RAB3C: variants seen among roughly 807,000 people sequenced by gnomAD.
RAB3C encodes ras-related protein Rab-3C.
In RAB3C, 17 loss-of-function variants were observed where a neutral mutation model predicts 26.4. The ratio of observed to expected loss-of-function variants is 0.64; its 90% CI spans 0.44 to 0.97. The LOEUF is 0.97. Ranked by LOEUF, RAB3C falls within the 50% of genes least tolerant of loss-of-function variation. The pLI is 0.00. For synonymous variants in RAB3C, 91 were observed against 95.9 expected, an observed-to-expected ratio of 0.95 and a Z score of 0.30; for missense variants, 242 against 281.9, an observed-to-expected ratio of 0.86 and a Z score of 1.01.
At chr5:58,591,686 C>T (rs946312212) in intron 1 of RAB3C, among the ~76,000 whole-genome samples, 3 of 149,730 alleles carry the variant, frequency 2.0e-5, no homozygotes, top group Admixed American at 1.3e-4. Context: ...TTGGGCTTTT[C>T]ATTTTTTTCC....
At chr5:58,792,188 A>C (rs1173547516) in intron 3 of RAB3C, among the ~76,000 whole-genome samples, 1 of 152,234 alleles carries the variant, frequency 6.6e-6, no homozygotes, top group African/African-American at 2.4e-5. Context: ...ACCAGAGCTT[A>C]TTATAATAAT....
chr5:58,813,493 T>C (rs1743131111), intron 3 of RAB3C, among the ~76,000 whole-genome samples: 1 of 151,574 alleles, frequency 6.6e-6, no homozygotes, highest in Non-Finnish European at 1.5e-5. Context: ...TCACAGTGCT[T>C]ACCACCCTTT....
At chr5:58,759,269 C>A (rs976421742) in intron 3 of RAB3C, among the ~76,000 whole-genome samples, 3 of 152,070 alleles carry the variant, frequency 2.0e-5, no homozygotes, top group African/African-American at 7.2e-5. Flanking sequence ...GGGGTTGGGG[C>A]AAGTGGACAG....
intron 2 of RAB3C, chr5:58,647,839 G>C (rs1747558628): frequency 6.6e-6 from 1 of 152,146 alleles, no homozygotes; most frequent in South Asian, 2.1e-4. Flanking sequence ...ATAGTGAAAG[G>C]ATCCACGTTC....
chr5:58,714,910 A>G (rs1749136875), intron 2 of RAB3C, among the ~76,000 whole-genome samples: 1 of 152,084 alleles, frequency 6.6e-6, no homozygotes. Context: ...TATAGTGGTT[A>G]TTATAGAAAA....
chr5:58,812,987 A>C (rs1039571002), intron 3 of RAB3C, among the ~76,000 whole-genome samples: 10 of 152,306 alleles, frequency 6.6e-5, no homozygotes, highest in African/African-American at 2.4e-4. Flanking sequence ...CTAATTAGGT[A>C]CAAAAACTGG....
At chr5:58,734,510 A>G (rs1427079049) in intron 3 of RAB3C, among the ~76,000 whole-genome samples, 1 of 152,094 alleles carries the variant, frequency 6.6e-6, no homozygotes, top group East Asian at 1.9e-4. Flanking sequence ...TTAATGATAC[A>G]TTTCTTATTG....
chr5:58,765,090 CA>C (rs1397754113), intron 3 of RAB3C, among the ~76,000 whole-genome samples: 13 of 152,190 alleles, frequency 8.5e-5, no homozygotes, highest in African/African-American at 2.9e-4. Flanking sequence ...AAACTTCTTA[CA>C]AAAAATTAAA....
intron 2 of RAB3C, among the ~76,000 whole-genome samples, chr5:58,725,641 C>G (rs1740872487): frequency 6.6e-6 from 1 of 151,748 alleles, no homozygotes; most frequent in Non-Finnish European, 1.5e-5. Context: ...AGTAGGGTGA[C>G]TATAATTTAC....
Position 58,822,974 on chromosome 5 carries a change from G to A in RAB3C, c.372-2064G>A, listed in dbSNP as rs1743376764. 4.8e-6 allele frequency: 3 copies of A among 626,644 alleles called. No individual in the cohort carries two copies. In the African/African-American group the frequency reaches 5.5e-5, roughly 11 times the overall value. The allele number at this position is 626,644 out of a possible 1,614,324, so 38.8% of individuals were successfully genotyped here. On this transcript the variant is annotated intron_variant, in intron 3 of 4. Transcript: ENST00000282878. ...TGTAGGCCTTGCCAGAACCATCACT[G>A]GCAATAAAGTTTTTGGGGCCTTGAA... is the stretch of plus-strand genomic sequence containing the variant.
At chr5:58,675,797 G>A (rs1159512833) in intron 2 of RAB3C, among the ~76,000 whole-genome samples, 1 of 152,032 alleles carries the variant, frequency 6.6e-6, no homozygotes, top group African/African-American at 2.4e-5. Context: ...TATCTTCTAA[G>A]CTTGCTATGA....
chr5:58,827,913 G>C (rs1013012285), intron 4 of RAB3C, among the ~76,000 whole-genome samples: 1 of 152,148 alleles, frequency 6.6e-6, no homozygotes, highest in Non-Finnish European at 1.5e-5. Flanking sequence ...TTATTCTTCA[G>C]AATACCATCA....
intron 1 of RAB3C, among the ~76,000 whole-genome samples, chr5:58,616,010 A>ACACACACACC (rs779097196): frequency 3.3e-5 from 5 of 149,596 alleles, no homozygotes; most frequent in East Asian, 2.0e-4. Flanking sequence ...ACACACACAC[A>ACACACACACC]CCCCTGACTT....
Position 58,855,118 on chromosome 5 carries a change from C to T in RAB3C, c.*3767C>T, listed in dbSNP as rs1010059741. On this transcript the variant is annotated 3_prime_UTR_variant, in exon 5 of 5. Coordinates refer to ENST00000282878, the MANE Select transcript of RAB3C (RefSeq NM_138453.4). Reference sequence around the variant, plus strand: ...GTGATGTGCTTTATCCAACATGTATCTTAGTGCATGGTTGAGGATGTACTA... The same window carrying T: ...GTGATGTGCTTTATCCAACATGTATTTTAGTGCATGGTTGAGGATGTACTA... The T allele has an allele frequency of 2.0e-5, 3 of 152,100 alleles. No individual in the cohort carries two copies. Among genetic ancestry groups the T allele is most frequent in the South Asian group, 2.1e-4 (1 of 4,824 alleles). 9.4% of individuals were successfully genotyped at this position (152,100 alleles called of 1,614,324 possible). A position where few individuals can be genotyped will look rare whatever the true frequency, so the allele number is the denominator to read the frequency against.
At chr5:58,587,433 C>T (rs1255003414) in intron 1 of RAB3C, among the ~76,000 whole-genome samples, 1 of 152,096 alleles carries the variant, frequency 6.6e-6, no homozygotes, top group African/African-American at 2.4e-5. Context: ...ATTAATGTGG[C>T]TCAGAGGTTC....
intron 2 of RAB3C, among the ~76,000 whole-genome samples, chr5:58,659,586 G>T (rs1449471011): frequency 6.6e-6 from 1 of 152,126 alleles, no homozygotes; most frequent in Admixed American, 6.5e-5. Flanking sequence ...ATTCAGTTAT[G>T]CTCTTGTGTT....
chr5:58,749,674 A>G (rs539767488), intron 3 of RAB3C, among the ~76,000 whole-genome samples: 33 of 152,338 alleles, frequency 2.2e-4, no homozygotes, highest in African/African-American at 7.7e-4. Context: ...TTTTAATATA[A>G]ATGTAATGGT....
rs1443605797 is a variant in RAB3C, at chr5:58,854,253, A to C, written c.*2902A>C. On this transcript the variant is annotated 3_prime_UTR_variant, in exon 5 of 5. Coordinates refer to ENST00000282878, the MANE Select transcript of RAB3C (RefSeq NM_138453.4). ...ATTTAATTAAATTAGTGTTTTAAGTATGAATTTATTTTCCTTTGCTACTCA... is the reference window on the plus strand; with the variant it reads ...ATTTAATTAAATTAGTGTTTTAAGTCTGAATTTATTTTCCTTTGCTACTCA... 1.3e-5 allele frequency: 2 copies of C among 152,154 alleles called. No homozygotes were observed. The highest frequency in any genetic ancestry group is 4.8e-5 in the African/African-American group (2 of 41,432). 9.4% of individuals were successfully genotyped at this position (152,154 alleles called of 1,614,324 possible).
chr5:58,732,061 G>T (rs555276862), intron 3 of RAB3C, among the ~76,000 whole-genome samples: 243 of 117,208 alleles, frequency 2.1e-3, no homozygotes, highest in African/African-American at 5.8e-3. Flanking sequence ...GTCTTATAGA[G>T]AATTTTATTT....
Sources: gnomAD v4.1 joint callset for allele counts (sites outside exome capture counted in the v4.1 genomes callset) on GRCh38, gnomAD v4.1.1 for gene constraint, MANE v1.5 for transcripts, NCBI Gene and HGNC (gene_info 2026-07-23, HGNC 2026-07-21) for gene names.